Variants in PRKD1 observed in about 807,000 individuals in gnomAD.
The protein encoded by PRKD1 is protein kinase D1, also known as serine/threonine-protein kinase D1.
PRKD1 carries 63 observed loss-of-function variants against 95.9 expected under a neutral mutation model. The observed-to-expected ratio is 0.66, with a 90% CI of 0.54 to 0.81. The LOEUF is 0.81. Among genes scored for constraint, PRKD1 ranks in the 30% least tolerant of loss-of-function variants. PRKD1 has a pLI of 0.00. For missense variants in PRKD1, 1,048 were observed against 1,165.3 expected (o/e 0.90, Z 1.47); for synonymous variants, 425 against 423.1 (o/e 1.00, Z -0.05).
At chr14:29,898,203 CA>C (rs1166128078) in intron 1 of PRKD1, among the ~76,000 whole-genome samples, 1 of 151,924 alleles carries the variant, frequency 6.6e-6, no homozygotes, top group Non-Finnish European at 1.5e-5. Context: ...TGTATTTTTG[CA>C]CATTAAGACA....
intron 1 of PRKD1, among the ~76,000 whole-genome samples, chr14:29,826,865 A>G (rs1487707195): frequency 2.9e-5 from 3 of 103,684 alleles, no homozygotes; most frequent in South Asian, 3.1e-4. Context: ...ATATATATAT[A>G]TATATATATA....
At chr14:29,679,721 A>C (rs977369550) in intron 2 of PRKD1, among the ~76,000 whole-genome samples, 1 of 135,764 alleles carries the variant, frequency 7.4e-6, no homozygotes, top group Non-Finnish European at 1.5e-5. Context: ...AGGAAGGTAC[A>C]AATCTTTTTT....
At chr14:29,794,849 C>T (rs1889739733) in intron 1 of PRKD1, among the ~76,000 whole-genome samples, 1 of 152,014 alleles carries the variant, frequency 6.6e-6, no homozygotes, top group Admixed American at 6.6e-5. Context: ...TGTAACCCTC[C>T]CAATATTGAT....
chr14:29,619,163 G>A (rs960539515), intron 13 of PRKD1, among the ~76,000 whole-genome samples: 1 of 151,930 alleles, frequency 6.6e-6, no homozygotes, highest in African/African-American at 2.4e-5. Flanking sequence ...CTTCAATCAC[G>A]GTACTTTTTT....
At chr14:29,900,890 G>A (rs1398876732) in intron 1 of PRKD1, among the ~76,000 whole-genome samples, 5 of 152,172 alleles carry the variant, frequency 3.3e-5, no homozygotes, top group African/African-American at 4.8e-5. Context: ...CACTGTTGGT[G>A]GGAAATGCAA....
chr14:29,652,600 C>A (rs192828510), intron 4 of PRKD1, among the ~76,000 whole-genome samples: 1 of 152,302 alleles, frequency 6.6e-6, no homozygotes, highest in African/African-American at 2.4e-5. Context: ...TTTTGGACAT[C>A]TTTCCTCACT....
intron 1 of PRKD1, among the ~76,000 whole-genome samples, chr14:29,900,380 C>T (rs1427300729): frequency 6.6e-6 from 1 of 152,074 alleles, no homozygotes; most frequent in Non-Finnish European, 1.5e-5. Context: ...AATCTCTTGG[C>T]TTTGATAATG....
chr14:29,762,728 G>A (rs935085232), intron 1 of PRKD1, among the ~76,000 whole-genome samples: 22 of 152,164 alleles, frequency 1.4e-4, no homozygotes, highest in Middle Eastern at 3.4e-3. Context: ...GAAAATAAAC[G>A]TGTGCATACA....
intron 1 of PRKD1, among the ~76,000 whole-genome samples, chr14:29,789,214 G>A (rs1449232378): frequency 6.6e-6 from 1 of 151,972 alleles, no homozygotes; most frequent in Non-Finnish European, 1.5e-5. Flanking sequence ...ATCGTTACTT[G>A]GAATTATCTT....
intron 1 of PRKD1, among the ~76,000 whole-genome samples, chr14:29,895,846 G>A (rs181510821): frequency 2.2e-4 from 33 of 152,260 alleles, no homozygotes; most frequent in African/African-American, 7.7e-4. Flanking sequence ...ATGTAACACT[G>A]TAACCTGCTC....
At chr14:29,774,110 TG>T (rs1888630554) in intron 1 of PRKD1, among the ~76,000 whole-genome samples, 1 of 152,140 alleles carries the variant, frequency 6.6e-6, no homozygotes, top group South Asian at 2.1e-4. Context: ...GATAAGCTCA[TG>T]GGAGAATCAA....
intron 1 of PRKD1, among the ~76,000 whole-genome samples, chr14:29,799,288 A>T (rs933892711): frequency 7.2e-5 from 11 of 152,224 alleles, no homozygotes; most frequent in Non-Finnish European, 1.2e-4. Flanking sequence ...CTGACTCTGT[A>T]AATCTTGGTG....
intron 16 of PRKD1, among the ~76,000 whole-genome samples, chr14:29,595,880 G>T (rs747642145): frequency 6.6e-5 from 10 of 152,196 alleles, no homozygotes; most frequent in Admixed American, 5.9e-4. Flanking sequence ...CAAGCATAAT[G>T]GTTAGCTGTA....
intron 1 of PRKD1, among the ~76,000 whole-genome samples, chr14:29,759,103 A>G (rs1050948553): frequency 1.3e-5 from 2 of 152,218 alleles, no homozygotes; most frequent in Admixed American, 6.5e-5. Flanking sequence ...TAGTCTAAGG[A>G]GACTGTTGTA....
intron 2 of PRKD1, among the ~76,000 whole-genome samples, chr14:29,686,503 G>A (rs1883879396): frequency 6.6e-6 from 1 of 152,194 alleles, no homozygotes; most frequent in South Asian, 2.1e-4. Flanking sequence ...CCCATTGTCA[G>A]TGCTAAGATG....
chr14:29,800,002 T>G (rs1458193548), intron 1 of PRKD1, among the ~76,000 whole-genome samples: 2 of 152,118 alleles, frequency 1.3e-5, no homozygotes, highest in Non-Finnish European at 2.9e-5. Flanking sequence ...TGTTCCTAAG[T>G]GCAAGAAAGC....
chr14:29,710,510 T>C (rs1885288143), intron 2 of PRKD1, among the ~76,000 whole-genome samples: 1 of 152,140 alleles, frequency 6.6e-6, no homozygotes, highest in South Asian at 2.1e-4. Context: ...TGGCCTGTAT[T>C]ACTCAAGATG....
chr14:29,913,050 C>T (rs1420465947), intron 1 of PRKD1, among the ~76,000 whole-genome samples: 2 of 152,198 alleles, frequency 1.3e-5, no homozygotes, highest in African/African-American at 4.8e-5. Context: ...TTATATATTA[C>T]ATTCAAAGTG....
At chr14:29,776,212 G>A (rs35123683) in intron 1 of PRKD1, among the ~76,000 whole-genome samples, 26,351 of 152,140 alleles carry the variant, frequency 0.17, 2,439 homozygotes, top group South Asian at 0.22. Context: ...GAGCAGAAAA[G>A]CTGAAAATTC....
Sources: gnomAD v4.1 joint callset for allele counts (sites outside exome capture counted in the v4.1 genomes callset) on GRCh38, gnomAD v4.1.1 for gene constraint, MANE v1.5 for transcripts, NCBI Gene and HGNC (gene_info 2026-07-23, HGNC 2026-07-21) for gene names.